The following XPO1 variants were observed in gnomAD, a reference collection of about 807,000 sequenced individuals.
The protein encoded by XPO1 is exportin 1.
XPO1 carries 5 observed loss-of-function variants against 133.3 expected under a neutral mutation model. The observed-to-expected ratio is 0.04, with a 90% CI of 0.02 to 0.08. The LOEUF (loss-of-function observed/expected upper bound fraction) is 0.08, where lower values mean the gene tolerates loss of function less well. XPO1 is among the 10% of genes least tolerant of loss of function. The pLI is 1.00. For synonymous variants in XPO1, 419 were observed against 408.2 expected (o/e 1.03, Z -0.32); for missense variants, 506 against 1,267.5 (o/e 0.40, Z 9.12).
At chr2:61,496,358 T>C (rs1178622063) in intron 10 of XPO1, among the ~76,000 whole-genome samples, 1 of 152,118 alleles carries the variant, frequency 6.6e-6, no homozygotes, top group East Asian at 1.9e-4. Context: ...ACTACAGGTG[T>C]GCAACACCAC....
chr2:61,491,459 AACACAC>A (rs61072503), intron 16 of XPO1, among the ~76,000 whole-genome samples: 6,912 of 142,950 alleles, frequency 0.048, 210 homozygotes, highest in Middle Eastern at 0.073. Context: ...TCAAAAAACA[AACACAC>A]ACACACACAC....
Position 61,490,707 on chromosome 2 carries a change from A to G in XPO1, c.1957T>C (p.Leu653=). 1 of 1,614,204 alleles carries G rather than the reference A, an allele frequency of 6.2e-7. No homozygotes were observed. The highest frequency in any genetic ancestry group is 2.2e-5 in the East Asian group (1 of 44,880). The change falls in exon 17 of 25, where the codon TTG becomes CTG. Residue 653 remains leucine, a synonymous_variant. Coordinates refer to ENST00000401558, the MANE Select transcript of XPO1 (RefSeq NM_003400.4). ...AQTDQTVQEH[L]IEKYMLLPNQ... ...GGGAGTAACATGTACTTTTCTATCA[A>G]GTGTTCTTGTACTGTTTGATCTGTT...
intron 4 of XPO1, among the ~76,000 whole-genome samples, chr2:61,520,432 A>G (rs1698633336): frequency 6.6e-6 from 1 of 152,064 alleles, no homozygotes; most frequent in African/African-American, 2.4e-5. Flanking sequence ...GGATTGCTCA[A>G]GCCCAGCAGC....
intron 4 of XPO1, among the ~76,000 whole-genome samples, chr2:61,503,091 G>C (rs536524346): frequency 4.6e-5 from 7 of 150,778 alleles, no homozygotes; most frequent in Non-Finnish European, 7.4e-5. Flanking sequence ...TCAGGCTCCC[G>C]AGTACAGGCA....
chr2:61,489,894 A>ATT (rs1179171883), intron 17 of XPO1, among the ~76,000 whole-genome samples: 9 of 133,068 alleles, frequency 6.8e-5, no homozygotes, highest in South Asian at 2.4e-4. Flanking sequence ...AAATTACAGT[A>ATT]TTTTTTTTTT....
chr2:61,535,763 C>T lies in XPO1; in HGVS notation c.-7+1799G>A, dbSNP rs1039113302. ...CGTTTCGTAGTAGGCATTAAACAAA[C>T]GTTTTTAAACAGCAGAATACTTGTT... On this transcript the variant is annotated intron_variant, in intron 1 of 24. Transcript: ENST00000401558. 9.2e-5 allele frequency among the ~76,000 whole-genome samples: 14 copies of T among 152,218 alleles called. No individual in the cohort carries two copies. In the South Asian group the frequency reaches 1.2e-3, roughly 14 times the overall value.
chr2:61,528,309 C>A (rs1249184793), intron 2 of XPO1, among the ~76,000 whole-genome samples: 1 of 151,956 alleles, frequency 6.6e-6, no homozygotes, highest in Non-Finnish European at 1.5e-5. Context: ...TAGGGTTGTA[C>A]GGCTACCAAA....
chr2:61,509,529 G>A (rs745583151), intron 4 of XPO1, among the ~76,000 whole-genome samples: 6 of 152,080 alleles, frequency 3.9e-5, no homozygotes, highest in Non-Finnish European at 8.8e-5. Flanking sequence ...AGGAGGATGA[G>A]GCAGGAGAAT....
chr2:61,534,754 A>G lies in XPO1; in HGVS notation c.-6-851T>C, dbSNP rs1699289968. The G allele has an allele frequency of 2.0e-5, 3 of 152,242 alleles. No individual in the cohort carries two copies. In the South Asian group the frequency reaches 6.2e-4, roughly 31 times the overall value. The allele number at this position is 152,242 out of a possible 1,614,324, so 9.4% of individuals were successfully genotyped here. The stretch of plus-strand genomic sequence containing the variant: ...ATATACAGTAATTCCTATTGTCTAC[A>G]GCAATGGTTAGCAGGAACCACAAGT... On this transcript the variant is annotated intron_variant, in intron 1 of 24. Coordinates refer to ENST00000401558, the MANE Select transcript of XPO1 (RefSeq NM_003400.4).
At chr2:61,488,339 T>A in intron 18 of XPO1, 68 bp from the exon 19 acceptor site, 1 of 1,402,092 alleles carries the variant, frequency 7.1e-7, no homozygotes, top group South Asian at 1.2e-5. Context: ...CAGGTGTACA[T>A]TAGATGCAAT....
rs909147405 is a variant in XPO1, at chr2:61,478,672, A to G, written c.*148T>C. The G allele has an allele frequency of 1.4e-6, 1 of 732,084 alleles. No homozygotes were observed. The highest frequency in any genetic ancestry group is 2.1e-6 in the Non-Finnish European group (1 of 485,480). The allele number at this position is 732,084 out of a possible 1,614,324, so 45.3% of individuals were successfully genotyped here. A position where few individuals can be genotyped will look rare whatever the true frequency, so the allele number is the denominator to read the frequency against. ...ACAATGGAAGGATATTTCACAGAAA[A>G]TTTCTTATACAAAAAAACACATAAG... On this transcript the variant is annotated 3_prime_UTR_variant, in exon 25 of 25. Coordinates refer to ENST00000401558, the MANE Select transcript of XPO1 (RefSeq NM_003400.4).
At chr2:61,531,208 ACCAGCTTTAAGCTCTAAAT>A (rs1363336009) in intron 2 of XPO1, among the ~76,000 whole-genome samples, 1 of 152,212 alleles carries the variant, frequency 6.6e-6, no homozygotes, top group African/African-American at 2.4e-5. Flanking sequence ...GGACTCCTTA[ACCAGCTTTAAGCTCTAAAT>A]CTTGTTTCTT....
At chr2:61,500,829 A>C (rs1296850979) in intron 6 of XPO1, among the ~76,000 whole-genome samples, 5 of 152,028 alleles carry the variant, frequency 3.3e-5, no homozygotes, top group Non-Finnish European at 5.9e-5. Flanking sequence ...ATCCTAGGAG[A>C]CTCAAGGATT....
intron 22 of XPO1, 176 bp downstream of exon 22, chr2:61,482,781 A>C (rs1696462080): frequency 1.2e-6 from 1 of 813,254 alleles, no homozygotes; most frequent in Non-Finnish European, 1.9e-6. Context: ...TTTTTATTGT[A>C]TCTTTTATTT....
intron 4 of XPO1, among the ~76,000 whole-genome samples, chr2:61,516,131 TA>T (rs111496457): frequency 1.5e-4 from 16 of 108,020 alleles, no homozygotes; most frequent in Non-Finnish European, 2.9e-4. Context: ...GTCGCAAAAT[TA>T]AAAAAAAACA....
At position 61,488,575 on chromosome 2, in the gene XPO1, C is replaced by G. The variant is rs1696807325; in HGVS notation, c.2206+13G>C. 3 of 1,609,584 alleles carry G rather than the reference C, an allele frequency of 1.9e-6. No individual in the cohort carries two copies. The highest frequency in any genetic ancestry group is 2.5e-6 in the Non-Finnish European group (3 of 1,177,318). On this transcript the variant is annotated intron_variant, in intron 18 of 24. Transcript: ENST00000401558. ...GTTTATACTGCATTGTGTAAGAAAT[C>G]AGAATCACCTACCATTAGCTTGGAT...
At chr2:61,482,034 C>CTGTTTTTTTTTTTT (rs1696392280) in intron 23 of XPO1, among the ~76,000 whole-genome samples, 1 of 71,368 alleles carries the variant, frequency 1.4e-5, no homozygotes, top group Non-Finnish European at 2.7e-5. Flanking sequence ...CGTGCGTGGC[C>CTGTTTTTTTTTTTT]TTTTTTTTTT....
At chr2:61,494,361 T>C (rs1213362651) in intron 11 of XPO1, 9 of 329,782 alleles carry the variant, frequency 2.7e-5, no homozygotes, top group South Asian at 2.3e-4. Flanking sequence ...TTAAAAGGCC[T>C]TGGGTGCCAA....
intron 4 of XPO1, among the ~76,000 whole-genome samples, chr2:61,511,562 C>G (rs544766334): frequency 6.6e-6 from 1 of 152,196 alleles, no homozygotes; most frequent in East Asian, 1.9e-4. Flanking sequence ...CAGGGGCACT[C>G]GACCATACAC....
Sources: allele counts gnomAD v4.1 joint callset (sites outside exome capture counted in the v4.1 genomes callset), GRCh38; gene constraint gnomAD v4.1.1; transcripts MANE v1.5; gene names NCBI Gene and HGNC (gene_info 2026-07-23, HGNC 2026-07-21).